Variants in CAMTA1 observed in about 807,000 individuals in gnomAD.
CAMTA1 encodes the protein calmodulin binding transcription activator 1.
CAMTA1 carries 27 observed loss-of-function variants against 170.9 expected under a neutral mutation model. That is an observed-to-expected ratio of 0.16 (90% CI 0.12 to 0.22). CAMTA1 has a LOEUF of 0.22. Ranked by LOEUF, CAMTA1 falls within the 10% of genes least tolerant of loss-of-function variation. CAMTA1 has a pLI of 1.00. For missense variants in CAMTA1, 1,619 were observed against 2,217.2 expected (o/e 0.73, Z 5.42); for synonymous variants, 833 against 891.5 (o/e 0.93, Z 1.17).
chr1:7,296,187 G>A (rs1037150489), intron 5 of CAMTA1, among the ~76,000 whole-genome samples: 2 of 152,194 alleles, frequency 1.3e-5, no homozygotes, highest in East Asian at 1.9e-4. Context: ...GAGTGAACAC[G>A]CCAGGGACCT....
intron 6 of CAMTA1, among the ~76,000 whole-genome samples, chr1:7,533,889 G>A (rs2094519462): frequency 6.6e-6 from 1 of 152,048 alleles, no homozygotes; most frequent in South Asian, 2.1e-4. Context: ...ACTCTAGCCT[G>A]GATGACAGAG....
intron 5 of CAMTA1, among the ~76,000 whole-genome samples, chr1:7,403,723 G>A (rs1046790312): frequency 6.6e-6 from 1 of 152,184 alleles, no homozygotes; most frequent in African/African-American, 2.4e-5. Flanking sequence ...CTGCACCTGG[G>A]ACCATCTAGA....
At chr1:7,060,330 C>T (rs528777373) in intron 3 of CAMTA1, among the ~76,000 whole-genome samples, 48 of 152,220 alleles carry the variant, frequency 3.2e-4, no homozygotes, top group Non-Finnish European at 5.3e-4. Context: ...ATGGCGTTTC[C>T]GCTGTGCACA....
At chr1:7,267,281 T>C (rs1669080765) in intron 5 of CAMTA1, among the ~76,000 whole-genome samples, 1 of 152,160 alleles carries the variant, frequency 6.6e-6, no homozygotes, top group Non-Finnish European at 1.5e-5. Context: ...TTCTGTGAAG[T>C]CATCAATTCA....
intron 11 of CAMTA1, among the ~76,000 whole-genome samples, chr1:7,688,924 G>A (rs561294072): frequency 3.9e-5 from 6 of 152,246 alleles, no homozygotes; most frequent in African/African-American, 9.6e-5. Flanking sequence ...GTGAGAGGCA[G>A]GTATGTGTCA....
intron 3 of CAMTA1, among the ~76,000 whole-genome samples, chr1:6,897,957 G>A (rs1469497639): frequency 6.6e-6 from 1 of 152,130 alleles, no homozygotes; most frequent in Admixed American, 6.5e-5. Flanking sequence ...TTTCTGGCTA[G>A]CCACCAGTCC....
intron 4 of CAMTA1, among the ~76,000 whole-genome samples, chr1:7,189,516 C>G (rs948153321): frequency 6.6e-6 from 1 of 152,138 alleles, no homozygotes; most frequent in Non-Finnish European, 1.5e-5. Context: ...AAATGGCCAA[C>G]AAACATATGA....
At chr1:7,483,724 G>A (rs1000265344) in intron 6 of CAMTA1, among the ~76,000 whole-genome samples, 2 of 152,124 alleles carry the variant, frequency 1.3e-5, no homozygotes, top group Non-Finnish European at 2.9e-5. Context: ...ACAGAGTCTC[G>A]TCCCACCCTG....
At chr1:6,924,197 G>A (rs1682622663) in intron 3 of CAMTA1, among the ~76,000 whole-genome samples, 1 of 152,246 alleles carries the variant, frequency 6.6e-6, no homozygotes, top group Non-Finnish European at 1.5e-5. Context: ...TGCACAAGAG[G>A]GAAGCCTCCC....
chr1:7,680,380 A>G lies in CAMTA1; in HGVS notation c.2914+2647A>G, dbSNP rs2096178624. 6.6e-6 allele frequency among the ~76,000 whole-genome samples: 1 copy of G among 151,804 alleles called. No homozygotes were observed. Among genetic ancestry groups the G allele is most frequent in the African/African-American group, 2.4e-5 (1 of 41,376 alleles). On this transcript the variant is annotated intron_variant, in intron 11 of 22. Coordinates refer to ENST00000303635, the MANE Select transcript of CAMTA1 (RefSeq NM_015215.4). This position sits in a 1 kb window ranked among gnomAD's most constrained non-coding sequence, Gnocchi z 4.4. ...GCGGAGAGGGGAGGAGGGCTGGGGA[A>G]GGGGTGGGCGCCAGGGGACTGCAGC...
rs79362784 is a variant in CAMTA1 at position 7,737,485 on chromosome 1, G to C, written c.3573G>C (p.Glu1191Asp). ...CTGCAAGCGAAGAGCCCAGCACAGA[G>C]AGCTGGATGGCCCAGTGGCACAGCG... ...HCPASEEPST[E>D]SWMAQWHSEA... Residue 1191 changes from glutamate (E) to aspartate (D), a missense_variant, in exon 15 of 23, where the codon GAG (glutamate) becomes GAC (aspartate). By Grantham distance (45) the Glu-to-Asp change is conservative (BLOSUM62 2). Around this residue, in one of 8 missense-constraint regions of CAMTA1, gnomAD observed 370 missense variants for 429.4 expected, o/e 0.86. Transcript: ENST00000303635. 4.8e-4 allele frequency: 782 copies of C among 1,614,186 alleles called. 2 individuals are homozygous for C. The African/African-American group carries it at 8.4e-3, about 17-fold the overall frequency.
At chr1:7,582,383 T>A (rs966102294) in intron 6 of CAMTA1, among the ~76,000 whole-genome samples, 2 of 152,292 alleles carry the variant, frequency 1.3e-5, no homozygotes, top group Non-Finnish European at 2.9e-5. Context: ...CCCTGCATCC[T>A]TGGGTGTGTC....
At chr1:7,285,480 G>A (rs1251503817) in intron 5 of CAMTA1, among the ~76,000 whole-genome samples, 1 of 152,164 alleles carries the variant, frequency 6.6e-6, no homozygotes, top group Admixed American at 6.5e-5. Flanking sequence ...ATGATCAGTG[G>A]TTCTCGCCAA....
At chr1:7,016,792 C>T (rs1458320594) in intron 3 of CAMTA1, among the ~76,000 whole-genome samples, 1 of 151,572 alleles carries the variant, frequency 6.6e-6, no homozygotes, top group Non-Finnish European at 1.5e-5. Flanking sequence ...GCTGAGATTG[C>T]ACCACTGCAC....
intron 22 of CAMTA1, among the ~76,000 whole-genome samples, chr1:7,763,066 T>C (rs1369751161): frequency 6.6e-6 from 1 of 152,226 alleles, no homozygotes; most frequent in Non-Finnish European, 1.5e-5. Flanking sequence ...AAACCTGGAC[T>C]CAATTCCCTG....
Position 6,970,691 on chromosome 1 carries a change from G to A in CAMTA1, c.235-120613G>A, listed in dbSNP as rs1692366252. On this transcript the variant is annotated intron_variant, in intron 3 of 22. Coordinates refer to ENST00000303635, the MANE Select transcript of CAMTA1 (RefSeq NM_015215.4). This position sits in a 1 kb window ranked among gnomAD's most constrained non-coding sequence, Gnocchi z 4.4. ...ATCAGAAGCACAGGGGGCTACTAGAGCACCTGTTCAGGACGTATCATCCAG... is the reference window on the plus strand; with the variant it reads ...ATCAGAAGCACAGGGGGCTACTAGAACACCTGTTCAGGACGTATCATCCAG... Among the ~76,000 whole-genome samples, 1 of 152,178 alleles carries A rather than the reference G, an allele frequency of 6.6e-6. No individual in the cohort carries two copies. The highest frequency in any genetic ancestry group is 2.1e-4 in the South Asian group (1 of 4,822).
intron 11 of CAMTA1, among the ~76,000 whole-genome samples, chr1:7,723,330 A>C (rs1209044009): frequency 6.6e-6 from 1 of 152,224 alleles, no homozygotes; most frequent in East Asian, 1.9e-4. Flanking sequence ...CTGATGGCCA[A>C]AGCTGGAACA....
At chr1:7,741,377 C>T (rs1433723997) in intron 16 of CAMTA1, among the ~76,000 whole-genome samples, 1 of 151,980 alleles carries the variant, frequency 6.6e-6, no homozygotes, top group Non-Finnish European at 1.5e-5. Flanking sequence ...TCCTGGCTAA[C>T]ACGGTGAAAC....
intron 3 of CAMTA1, among the ~76,000 whole-genome samples, chr1:6,896,119 AT>A (rs1209176878): frequency 2.0e-5 from 3 of 151,774 alleles, no homozygotes; most frequent in South Asian, 4.2e-4. Flanking sequence ...TCTTGCCCAC[AT>A]TTTTTTTGAA....
Sources: allele counts gnomAD v4.1 joint callset (sites outside exome capture counted in the v4.1 genomes callset), GRCh38; gene constraint gnomAD v4.1.1; regional missense constraint gnomAD v4.1.1; non-coding constraint Gnocchi (gnomAD v3.1); transcripts MANE v1.5; gene names NCBI Gene and HGNC (gene_info 2026-07-23, HGNC 2026-07-21).